The following UBE2Q1 variants were observed in gnomAD, a reference collection of about 807,000 sequenced individuals.
UBE2Q1 encodes ubiquitin conjugating enzyme E2 Q1, also known as ubiquitin-conjugating enzyme E2 Q1.
Under a neutral mutation model 60.1 loss-of-function variants are expected in UBE2Q1, and 6 were observed. The observed-to-expected ratio is 0.10, with a 90% CI of 0.05 to 0.20. UBE2Q1 has a LOEUF of 0.20. UBE2Q1 is among the 10% of genes least tolerant of loss of function. UBE2Q1 has a pLI of 1.00. For missense variants in UBE2Q1, 262 were observed against 525.8 expected (o/e 0.50, Z 4.91); for synonymous variants, 226 against 208.3 (o/e 1.09, Z -0.73).
intron 1 of UBE2Q1, among the ~76,000 whole-genome samples, chr1:154,557,511 C>G (rs1695913701): frequency 6.6e-6 from 1 of 152,130 alleles, no homozygotes; most frequent in Non-Finnish European, 1.5e-5. Context: ...ATGGGGGTAG[C>G]CCTCGCACAT....
intron 9 of UBE2Q1, 33 bp from the exon 10 acceptor site, chr1:154,551,852 C>CA (rs1488769605): frequency 6.2e-7 from 1 of 1,614,180 alleles, no homozygotes; most frequent in Non-Finnish European, 8.5e-7. Context: ...CTGTGCCTGA[C>CA]AAAATCTCCA....
chr1:154,556,798 C>T (rs1695897167), intron 1 of UBE2Q1, among the ~76,000 whole-genome samples: 2 of 152,172 alleles, frequency 1.3e-5, no homozygotes, highest in Non-Finnish European at 2.9e-5. Flanking sequence ...CAGTAAATGG[C>T]CTCTGGCAAC....
chr1:154,552,890 C>G lies in UBE2Q1; in HGVS notation c.730-70G>C, dbSNP rs536586075. On this transcript the variant is annotated intron_variant, in intron 5 of 12. Transcript: ENST00000292211. ...ATAAACACACGTTAGACCTTAGGGG[C>G]AGTCTGGCAGCTTGCCCAGGATTTA... is the stretch of plus-strand genomic sequence containing the variant. The G allele has an allele frequency of 9.2e-4, 1,468 of 1,594,162 alleles. 26 individuals carry two copies. In the South Asian group the frequency reaches 0.016, roughly 17 times the overall value.
At chr1:154,555,649 G>T in intron 2 of UBE2Q1, 117 bp from the exon 3 acceptor site, 3 of 1,038,766 alleles carry the variant, frequency 2.9e-6, no homozygotes, top group Non-Finnish European at 4.4e-6. Flanking sequence ...AGCCTTATGG[G>T]CCACGTGGCT....
intron 11 of UBE2Q1, 48 bp downstream of exon 11, chr1:154,551,349 G>A (rs1695788256): frequency 1.3e-6 from 2 of 1,583,112 alleles, no homozygotes; most frequent in African/African-American, 1.3e-5. Flanking sequence ...GGCCCCAAGT[G>A]TACTTGGCTC....
At position 154,550,148 on chromosome 1, in the gene UBE2Q1, A is replaced by G; in HGVS notation, c.*290T>C. 1 of 406,444 alleles carries G rather than the reference A, an allele frequency of 2.5e-6. No individual in the cohort carries two copies. The highest frequency in any genetic ancestry group is 5.1e-5 in the South Asian group (1 of 19,476). The allele number at this position is 406,444 out of a possible 1,614,324, so 25.2% of individuals were successfully genotyped here. On this transcript the variant is annotated 3_prime_UTR_variant, in exon 13 of 13. Transcript: ENST00000292211. ...TAGTCTGGAGCACAGCTGAGTTTCC[A>G]GCAATATAAGGAGGCTCGAAAGTTT...
chr1:154,550,136 A>G lies in UBE2Q1; in HGVS notation c.*302T>C. The G allele has an allele frequency of 2.6e-6, 1 of 387,598 alleles. No individual in the cohort carries two copies. Among genetic ancestry groups the G allele is most frequent in the Non-Finnish European group, 4.7e-6 (1 of 214,556 alleles). 24.0% of individuals were successfully genotyped at this position (387,598 alleles called of 1,614,324 possible). Reference sequence around the variant, plus strand: ...GTAAGGAGGCTCTAGTCTGGAGCACAGCTGAGTTTCCAGCAATATAAGGAG... The same window carrying G: ...GTAAGGAGGCTCTAGTCTGGAGCACGGCTGAGTTTCCAGCAATATAAGGAG... On this transcript the variant is annotated 3_prime_UTR_variant, in exon 13 of 13. Coordinates refer to ENST00000292211, the MANE Select transcript of UBE2Q1 (RefSeq NM_017582.7).
intron 9 of UBE2Q1, 26 bp downstream of exon 9, chr1:154,551,894 GC>G (rs1695795949): frequency 6.2e-7 from 1 of 1,614,014 alleles, no homozygotes; most frequent in African/African-American, 1.3e-5. Flanking sequence ...CAGAGGAGAT[GC>G]CCTCTTCCGC....
Position 154,549,903 on chromosome 1 carries a change from A to G in UBE2Q1, c.*535T>C, listed in dbSNP as rs1209829378. The G allele has an allele frequency of 6.6e-6, 1 of 152,478 alleles. No homozygotes were observed. Among genetic ancestry groups the G allele is most frequent in the African/African-American group, 2.4e-5 (1 of 41,396 alleles). 9.4% of individuals were successfully genotyped at this position (152,478 alleles called of 1,614,324 possible). On this transcript the variant is annotated 3_prime_UTR_variant, in exon 13 of 13. Coordinates refer to ENST00000292211, the MANE Select transcript of UBE2Q1 (RefSeq NM_017582.7). ...TCTACCAAAGCAACAGTGGACTCGT[A>G]CCCCTCCCCACCTCCCAAGTAGTTC...
At chr1:154,551,091 C>T (rs2149361250) in intron 11 of UBE2Q1, 87 bp from the exon 12 acceptor site, 1 of 1,492,562 alleles carries the variant, frequency 6.7e-7, no homozygotes, top group Non-Finnish European at 9.3e-7. Flanking sequence ...CCAGAGACCC[C>T]AGAGTCCCAG....
At chr1:154,556,040 C>T in intron 1 of UBE2Q1, 76 bp from the exon 2 acceptor site, 1 of 1,317,078 alleles carries the variant, frequency 7.6e-7, no homozygotes, top group Non-Finnish European at 1.1e-6. Flanking sequence ...GTCCTCTTCC[C>T]CCCAAGACTT....
At chr1:154,554,833 T>G (rs755099831) in intron 3 of UBE2Q1, 48 bp from the exon 4 acceptor site, 1 of 1,602,400 alleles carries the variant, frequency 6.2e-7, no homozygotes, top group Admixed American at 1.7e-5. Flanking sequence ...AGTGGCTTGC[T>G]AGAATGCAGC....
At chr1:154,557,935 G>A (rs1180745277) in intron 1 of UBE2Q1, among the ~76,000 whole-genome samples, 1 of 152,006 alleles carries the variant, frequency 6.6e-6, no homozygotes, top group Non-Finnish European at 1.5e-5. Flanking sequence ...AGTTGTGGAG[G>A]AGTAGCCAAA....
rs1262288301 is a variant in UBE2Q1, at chr1:154,551,993, A to T, written c.967-14T>A. ...GGGAAAGTTATCCTGAGAGAGAGAG[A>T]GACGACAATCAGGGGAGGGAGGCCA... On this transcript the variant is annotated splice_polypyrimidine_tract_variant and intron_variant, in intron 8 of 12. Coordinates refer to ENST00000292211, the MANE Select transcript of UBE2Q1 (RefSeq NM_017582.7). 4.3e-6 allele frequency: 7 copies of T among 1,614,056 alleles called. No homozygotes were observed. Among genetic ancestry groups the T allele is most frequent in the Non-Finnish European group, 5.9e-6 (7 of 1,180,034 alleles).
At chr1:154,554,916 C>T in intron 3 of UBE2Q1, 131 bp from the exon 4 acceptor site, 1 of 880,904 alleles carries the variant, frequency 1.1e-6, no homozygotes. Context: ...GTCTCTCCAC[C>T]AGCCAGATCT....
Position 154,558,413 on chromosome 1 carries a change from C to G in UBE2Q1, c.141G>C (p.Leu47=), listed in dbSNP as rs1330246976. ...PGPCLRRELK[L]LESIFHRGHE... Reference sequence around the variant, plus strand: ...GGCCGCGGTGGAAGATGGACTCGAGCAGCTTCAGCTCTCGCCTCAGGCAGG... The same window carrying G: ...GGCCGCGGTGGAAGATGGACTCGAGGAGCTTCAGCTCTCGCCTCAGGCAGG... Residue 47 remains leucine, a synonymous_variant, in exon 1 of 13, where the codon CTG becomes CTC. Transcript: ENST00000292211. The G allele has an allele frequency of 2.6e-6, 4 of 1,518,408 alleles. No individual in the cohort carries two copies. The highest frequency in any genetic ancestry group is 3.5e-6 in the Non-Finnish European group (4 of 1,136,100). The allele number at this position is 1,518,408 out of a possible 1,614,324, so 94.1% of individuals were successfully genotyped here. A position where few individuals can be genotyped will look rare whatever the true frequency, so the allele number is the denominator to read the frequency against.
In UBE2Q1 at chr1:154,552,399, C is replaced by T; in HGVS notation, c.875+5G>A. ...TTCCTCTCCAATCCCAGAGTCCCCA[C>T]TCACTTGAGGAGTTTGACATTCCAA... On this transcript the variant is annotated splice_donor_5th_base_variant and intron_variant, in intron 7 of 12. Coordinates refer to ENST00000292211, the MANE Select transcript of UBE2Q1 (RefSeq NM_017582.7). The T allele has an allele frequency of 6.2e-7, 1 of 1,614,214 alleles. No individual in the cohort carries two copies. The highest frequency in any genetic ancestry group is 8.5e-7 in the Non-Finnish European group (1 of 1,180,004).
intron 1 of UBE2Q1, among the ~76,000 whole-genome samples, chr1:154,557,201 G>A (rs1021973732): frequency 1.3e-5 from 2 of 152,230 alleles, no homozygotes; most frequent in African/African-American, 4.8e-5. Context: ...CCCCCAAGTA[G>A]CAGAGAATTC....
Position 154,555,417 on chromosome 1 carries a change from C to G in UBE2Q1, c.537+11G>C. On this transcript the variant is annotated intron_variant, in intron 3 of 12. Transcript: ENST00000292211. ...CTGCACAACAGGGCCCGAGGCTCCT[C>G]AGCTGCTCACCTGCTCTGCTGGCAA... 6.2e-7 allele frequency: 1 copy of G among 1,613,376 alleles called. No individual in the cohort carries two copies. The highest frequency in any genetic ancestry group is 8.5e-7 in the Non-Finnish European group (1 of 1,179,542).
Sources: allele counts gnomAD v4.1 joint callset (sites outside exome capture counted in the v4.1 genomes callset), GRCh38; gene constraint gnomAD v4.1.1; transcripts MANE v1.5; gene names NCBI Gene and HGNC (gene_info 2026-07-23, HGNC 2026-07-21).